CELF2: variants seen among roughly 807,000 people sequenced by gnomAD.
CELF2 encodes the protein CUG triplet repeat RNA-binding protein 2.
In CELF2, 8 loss-of-function variants were observed where a neutral mutation model predicts 62.6. The ratio of observed to expected loss-of-function variants is 0.13; its 90% CI spans 0.07 to 0.23. The LOEUF is 0.23. Among genes scored for constraint, CELF2 ranks in the 10% least tolerant of loss-of-function variants. The pLI, the probability that CELF2 is intolerant of heterozygous loss-of-function variation, is 1.00. For synonymous variants in CELF2, 258 were observed against 250.0 expected (o/e 1.03, Z -0.30); for missense variants, 333 against 671.0 (o/e 0.50, Z 5.56).
chr10:11,105,114 T>C (rs1235823549), intron 1 of CELF2, among the ~76,000 whole-genome samples: 2 of 152,230 alleles, frequency 1.3e-5, no homozygotes, highest in Non-Finnish European at 2.9e-5. Flanking sequence ...GGTTATCCGA[T>C]GGGAAATAAA....
the CELF2 span, among the ~76,000 whole-genome samples, chr10:10,559,732 T>C: frequency 6.6e-6 from 1 of 152,186 alleles, no homozygotes; most frequent in African/African-American, 2.4e-5. Context: ...AATTGTAAGG[T>C]AGGATTCATA....
At chr10:10,686,433 A>G in the CELF2 span, among the ~76,000 whole-genome samples, 4 of 151,806 alleles carry the variant, frequency 2.6e-5, no homozygotes, top group East Asian at 7.8e-4. Flanking sequence ...TGATCACCGC[A>G]TCCCTGAGAT....
At chr10:10,476,844 A>G in the CELF2 span, among the ~76,000 whole-genome samples, 1 of 152,046 alleles carries the variant, frequency 6.6e-6, no homozygotes, top group African/African-American at 2.4e-5. Context: ...TGTTGGCCCC[A>G]TTCTGGCCTT....
upstream of CELF2, among the ~76,000 whole-genome samples, chr10:10,794,251 C>T (rs2054012405): frequency 1.3e-5 from 2 of 152,080 alleles, no homozygotes; most frequent in South Asian, 4.1e-4. Context: ...GGGAAATCTT[C>T]TGCAGCAGGA....
At chr10:10,652,742 C>T in the CELF2 span, among the ~76,000 whole-genome samples, 2 of 152,128 alleles carry the variant, frequency 1.3e-5, no homozygotes, top group South Asian at 2.1e-4. Context: ...TGGAAAGGAA[C>T]AATCGGTACC....
chr10:11,282,113 G>T (rs187892461), intron 8 of CELF2, among the ~76,000 whole-genome samples: 2 of 152,264 alleles, frequency 1.3e-5, no homozygotes, highest in East Asian at 3.9e-4. Context: ...GAAACCCTAT[G>T]CTGGACCAGC....
chr10:10,783,043 G>A, the CELF2 span, among the ~76,000 whole-genome samples: 3 of 152,144 alleles, frequency 2.0e-5, no homozygotes, highest in Admixed American at 2.0e-4. Context: ...ATAGGTTTAA[G>A]GTAGGATGTA....
chr10:10,851,627 C>T (rs2059388599), intron 1 of CELF2, among the ~76,000 whole-genome samples: 1 of 152,124 alleles, frequency 6.6e-6, no homozygotes, highest in South Asian at 2.1e-4. Flanking sequence ...TGTGTTTTCT[C>T]TTTGAAAGAC....
At position 11,042,389 on chromosome 10, in the gene CELF2, T is replaced by G. The variant is rs562070937; in HGVS notation, c.74+24226T>G. Among the ~76,000 whole-genome samples, 7 of 152,334 alleles carry G rather than the reference T, an allele frequency of 4.6e-5. No individual in the cohort carries two copies. In the South Asian group the frequency reaches 1.0e-3, roughly 23 times the overall value. ...CTTGGTTATTGCTGCATACAGATGA[T>G]TGAACGGTCTCTCTTGACTTTGAAG... On this transcript the variant is annotated intron_variant, in intron 1 of 12. Transcript: ENST00000633077.
the CELF2 span, among the ~76,000 whole-genome samples, chr10:10,724,334 A>T: frequency 6.6e-6 from 1 of 152,146 alleles, no homozygotes; most frequent in Non-Finnish European, 1.5e-5. Flanking sequence ...TTTGCTTTAA[A>T]AGTACAAGAT....
At chr10:10,861,960 C>T (rs1198738200) in intron 1 of CELF2, among the ~76,000 whole-genome samples, 2 of 152,016 alleles carry the variant, frequency 1.3e-5, no homozygotes, top group African/African-American at 4.8e-5. Flanking sequence ...TTTTTATTCC[C>T]ATTGTGTCCA....
Position 11,012,076 on chromosome 10 carries a change from TAAG to T in CELF2, c.53+6642_53+6644del, listed in dbSNP as rs1366375990. ...TTAGGAAGTACGGAATGGCCACGCT[TAAG>T]AAGAAAGGTCTAGCTGATGAATCAG... On this transcript the variant is annotated intron_variant, in intron 1 of 12. Coordinates refer to the CELF2 transcript ENST00000416382. The surrounding 1 kb of genome is among the most constrained non-coding windows in gnomAD (Gnocchi z 5.5). Among the ~76,000 whole-genome samples the T allele has an allele frequency of 2.0e-5, 3 of 152,128 alleles. No homozygotes were observed. Among genetic ancestry groups the T allele is most frequent in the Non-Finnish European group, 2.9e-5 (2 of 67,978 alleles).
In CELF2 at chr10:10,894,483, G is replaced by A. The variant is rs1308168830; in HGVS notation, c.54-25481G>A. The stretch of plus-strand genomic sequence containing the variant: ...TCTGAAGTGGATCCACTTTATCAAA[G>A]CCACAGATATATGGCAAAGTTGAAA... On this transcript the variant is annotated intron_variant, in intron 1 of 13. Transcript: ENST00000636488. 2.6e-5 allele frequency among the ~76,000 whole-genome samples: 4 copies of A among 152,182 alleles called. No individual in the cohort carries two copies. In the East Asian group the frequency reaches 7.7e-4, roughly 29 times the overall value.
the CELF2 span, among the ~76,000 whole-genome samples, chr10:10,791,483 T>TTTA: frequency 2.5e-3 from 380 of 152,336 alleles, 2 homozygotes; most frequent in African/African-American, 8.8e-3. Flanking sequence ...CATTAAATTA[T>TTTA]GACTTTAGAA....
intron 3 of CELF2, among the ~76,000 whole-genome samples, chr10:11,230,811 TA>T (rs2068371683): frequency 6.6e-6 from 1 of 152,328 alleles, no homozygotes; most frequent in South Asian, 2.1e-4. Context: ...AAGCTAATTC[TA>T]AAGCATGAGG....
chr10:10,990,568 T>C lies in CELF2; in HGVS notation c.89+70569T>C, dbSNP rs953548854. Among the ~76,000 whole-genome samples the C allele has an allele frequency of 6.6e-6, 1 of 152,088 alleles. No homozygotes were observed. The highest frequency in any genetic ancestry group is 1.5e-5 in the Non-Finnish European group (1 of 68,008). On this transcript the variant is annotated intron_variant, in intron 2 of 13. Coordinates refer to the CELF2 transcript ENST00000636488. The surrounding 1 kb of genome is among the most constrained non-coding windows in gnomAD (Gnocchi z 4.6). ...GAGTTAATGGCATCTAAATTAAGAG[T>C]CTTTCAATGGTAAAGTTTTAGTAGT...
intron 1 of CELF2, among the ~76,000 whole-genome samples, chr10:11,153,168 T>G (rs377288241): frequency 6.6e-6 from 1 of 152,358 alleles, no homozygotes; most frequent in South Asian, 2.1e-4. Flanking sequence ...TTGTTCAGGT[T>G]GACCCACCAC....
chr10:10,959,067 A>G (rs1023066999), intron 2 of CELF2, among the ~76,000 whole-genome samples: 7 of 152,078 alleles, frequency 4.6e-5, no homozygotes, highest in African/African-American at 1.7e-4. Context: ...GACTAGCCTG[A>G]CCAACATGGT....
At chr10:11,089,328 T>C (rs1230615378) in intron 1 of CELF2, among the ~76,000 whole-genome samples, 1 of 152,168 alleles carries the variant, frequency 6.6e-6, no homozygotes, top group African/African-American at 2.4e-5. Flanking sequence ...GAGGTGCGCA[T>C]AGGATTTTGA....
Sources: allele counts gnomAD v4.1 joint callset (sites outside exome capture counted in the v4.1 genomes callset), GRCh38; gene constraint gnomAD v4.1.1; non-coding constraint Gnocchi (gnomAD v3.1); transcripts MANE v1.5; gene names NCBI Gene and HGNC (gene_info 2026-07-23, HGNC 2026-07-21).